Variants in SCN7A observed in about 807,000 individuals in gnomAD.
SCN7A encodes sodium voltage-gated channel alpha subunit 7.
A neutral mutation model predicts 155.2 loss-of-function variants in SCN7A; 138 were observed. The ratio of observed to expected loss-of-function variants is 0.89; its 90% CI spans 0.77 to 1.02. SCN7A has a LOEUF of 1.02. Ranked by LOEUF, SCN7A falls within the 50% of genes least tolerant of loss-of-function variation. The pLI, the probability that SCN7A is intolerant of heterozygous loss-of-function variation, is 0.00. For synonymous variants in SCN7A, 693 were observed against 649.0 expected (o/e 1.07, Z -1.03); for missense variants, 2,058 against 1,986.6 (o/e 1.04, Z -0.68).
At chr2:166,450,232 C>A (rs554449620) in intron 11 of SCN7A, among the ~76,000 whole-genome samples, 1 of 152,228 alleles carries the variant, frequency 6.6e-6, no homozygotes, top group South Asian at 2.1e-4. Context: ...AAATACCATA[C>A]GTTCTCACTT....
intron 11 of SCN7A, among the ~76,000 whole-genome samples, chr2:166,451,019 T>C (rs9967700): frequency 0.45 from 68,137 of 151,956 alleles, 15,406 homozygotes; most frequent in Middle Eastern, 0.5. Context: ...GTGTGACATA[T>C]TGAATAATAT....
At chr2:166,478,637 C>T (rs2105516573) in intron 2 of SCN7A, among the ~76,000 whole-genome samples, 1 of 152,020 alleles carries the variant, frequency 6.6e-6, no homozygotes, top group East Asian at 1.9e-4. Context: ...TTGAAAATTA[C>T]TGATGGCATT....
chr2:166,408,700 T>G (rs1476445113), intron 25 of SCN7A, among the ~76,000 whole-genome samples: 1 of 151,984 alleles, frequency 6.6e-6, no homozygotes, highest in African/African-American at 2.4e-5. Context: ...ATCAACTGAA[T>G]GAGTGAATAT....
chr2:166,451,278 T>G (rs564637432), intron 11 of SCN7A, among the ~76,000 whole-genome samples: 1 of 152,322 alleles, frequency 6.6e-6, no homozygotes, highest in East Asian at 1.9e-4. Flanking sequence ...CAGGTCTGTC[T>G]AGTAATATAT....
chr2:166,459,326 G>A (rs1325599681), intron 10 of SCN7A, among the ~76,000 whole-genome samples: 1 of 151,914 alleles, frequency 6.6e-6, no homozygotes, highest in Non-Finnish European at 1.5e-5. Context: ...GTTTGAAATA[G>A]GGGCTAACTA....
chr2:166,418,687 A>C (rs1575008884), intron 20 of SCN7A, among the ~76,000 whole-genome samples: 1 of 152,224 alleles, frequency 6.6e-6, no homozygotes, highest in Middle Eastern at 3.4e-3. Flanking sequence ...TAATACTTTT[A>C]AATATTTTGA....
chr2:166,464,779 T>C (rs1262406577), intron 9 of SCN7A, among the ~76,000 whole-genome samples: 1 of 152,162 alleles, frequency 6.6e-6, no homozygotes, highest in East Asian at 1.9e-4. Context: ...TTCCAAATGA[T>C]AGATTTATAT....
chr2:166,481,025 G>A (rs555305119), intron 2 of SCN7A, among the ~76,000 whole-genome samples: 41 of 152,294 alleles, frequency 2.7e-4, no homozygotes, highest in African/African-American at 8.7e-4. Context: ...AGGACTCCAG[G>A]TTTTTGTCTA....
chr2:166,410,700 A>G (rs1191759996), intron 23 of SCN7A, among the ~76,000 whole-genome samples: 1 of 152,042 alleles, frequency 6.6e-6, no homozygotes, highest in East Asian at 1.9e-4. Context: ...TCTTTTAATA[A>G]GCAGAAATAA....
chr2:166,460,184 C>T (rs1232215334), intron 10 of SCN7A, among the ~76,000 whole-genome samples: 1 of 152,114 alleles, frequency 6.6e-6, no homozygotes, highest in East Asian at 1.9e-4. Context: ...GCCCTAATGG[C>T]AGGACACTTC....
intron 12 of SCN7A, among the ~76,000 whole-genome samples, chr2:166,445,601 T>C (rs1702046665): frequency 8.6e-6 from 1 of 116,598 alleles, no homozygotes; most frequent in East Asian, 2.0e-4. Flanking sequence ...CTCTCTCTCT[T>C]TTTTGTCTGT....
chr2:166,422,100 C>G (rs1248498520), intron 19 of SCN7A, among the ~76,000 whole-genome samples: 1 of 152,038 alleles, frequency 6.6e-6, no homozygotes, highest in African/African-American at 2.4e-5. Flanking sequence ...TATGATTTGG[C>G]TAGAGCTGAA....
intron 25 of SCN7A, among the ~76,000 whole-genome samples, chr2:166,407,962 A>C (rs7574361): frequency 0.033 from 4,950 of 151,962 alleles, 287 homozygotes; most frequent in African/African-American, 0.11. Flanking sequence ...ATAAGTGAGA[A>C]TATGTGGTGT....
At chr2:166,427,168 C>A (rs555941162) in intron 18 of SCN7A, among the ~76,000 whole-genome samples, 13 of 152,128 alleles carry the variant, frequency 8.5e-5, no homozygotes, top group African/African-American at 3.1e-4. Flanking sequence ...GCACAGAGTT[C>A]CATTGGATGA....
intron 10 of SCN7A, among the ~76,000 whole-genome samples, chr2:166,459,250 G>C (rs544928321): frequency 6.6e-6 from 1 of 152,204 alleles, no homozygotes; most frequent in South Asian, 2.1e-4. Context: ...AATGCTAGTG[G>C]AGCATAAAAG....
chr2:166,483,404 T>A (rs1006131100), intron 2 of SCN7A, among the ~76,000 whole-genome samples: 1 of 151,990 alleles, frequency 6.6e-6, no homozygotes, highest in African/African-American at 2.4e-5. Context: ...GGTTTGTGTA[T>A]GTTTGTTATA....
At chr2:166,475,076 T>G (rs373963062) in intron 3 of SCN7A, among the ~76,000 whole-genome samples, 1 of 92,996 alleles carries the variant, frequency 1.1e-5, no homozygotes, top group East Asian at 2.7e-4. Context: ...ATTTTTATAT[T>G]TGTGTATATA....
intron 5 of SCN7A, among the ~76,000 whole-genome samples, chr2:166,472,884 G>A (rs969619936): frequency 1.3e-5 from 2 of 151,688 alleles, no homozygotes; most frequent in Non-Finnish European, 2.9e-5. Context: ...GAACATGGAT[G>A]GAACTGGAGA....
chr2:166,446,744 A>T (rs1702072014), intron 12 of SCN7A, among the ~76,000 whole-genome samples: 2 of 152,214 alleles, frequency 1.3e-5, no homozygotes, highest in Admixed American at 1.3e-4. Flanking sequence ...GCTGGAAACC[A>T]TCATTCTCAG....
Sources: allele counts gnomAD v4.1 joint callset (sites outside exome capture counted in the v4.1 genomes callset), GRCh38; gene constraint gnomAD v4.1.1; transcripts MANE v1.5; gene names NCBI Gene and HGNC (gene_info 2026-07-23, HGNC 2026-07-21).